Variants in HRH1 observed in about 807,000 individuals in gnomAD.
HRH1 encodes histamine H1 receptor.
A neutral mutation model predicts 10.3 loss-of-function variants in HRH1; 6 were observed. The observed-to-expected ratio is 0.58, with a 90% CI of 0.32 to 1.15. HRH1 has a LOEUF of 1.15. Among genes scored for constraint, HRH1 ranks in the 50% most tolerant of loss-of-function variants. HRH1 has a pLI of 0.05. For missense variants in HRH1, 514 were observed against 615.3 expected (o/e 0.84, Z 1.74); for synonymous variants, 242 against 236.7 (o/e 1.02, Z -0.21).
At chr3:11,145,467 A>C (rs564665183) in intron 1 of HRH1, among the ~76,000 whole-genome samples, 2 of 152,124 alleles carry the variant, frequency 1.3e-5, no homozygotes, top group African/African-American at 4.8e-5. Context: ...CCCCACACAC[A>C]GTGTGTCTAA....
At position 11,259,776 on chromosome 3, in the gene HRH1, G is replaced by T. The variant is rs201469326; in HGVS notation, c.739G>T (p.Asp247Tyr). ...IKLRPENPKG[D>Y]AKKPGKESPW... ...GCTGAGGCCAGAGAACCCCAAGGGG[G>T]ATGCCAAGAAACCAGGGAAGGAGTC... The change falls in exon 2 of 2, where the codon GAT becomes TAT. Residue 247 changes from aspartate (D) to tyrosine (Y), a missense_variant. Coordinates refer to ENST00000431010, the MANE Select transcript of HRH1 (RefSeq NM_001098212.2). This position sits in a 1 kb window ranked among gnomAD's most constrained non-coding sequence, Gnocchi z 4.6. 1 of 1,614,022 alleles carries T rather than the reference G, an allele frequency of 6.2e-7. No homozygotes were observed.
At chr3:11,161,629 C>T (rs182026907) in intron 1 of HRH1, among the ~76,000 whole-genome samples, 121 of 152,304 alleles carry the variant, frequency 7.9e-4, no homozygotes, top group African/African-American at 2.6e-3. Context: ...CATAACAGAG[C>T]GCCTGGCACT....
At chr3:11,226,149 C>T (rs1575027532) in intron 1 of HRH1, 1 of 152,300 alleles carries the variant, frequency 6.6e-6, no homozygotes, top group African/African-American at 2.4e-5. Context: ...GTGGAAAAAG[C>T]TCTGTGTGAT....
intron 1 of HRH1, among the ~76,000 whole-genome samples, chr3:11,182,322 G>T (rs561815541): frequency 6.6e-5 from 10 of 152,160 alleles, no homozygotes; most frequent in Non-Finnish European, 1.5e-4. Flanking sequence ...CCCCTTATCA[G>T]ATATATAGGG....
chr3:11,165,995 C>T (rs2125010396), intron 1 of HRH1, among the ~76,000 whole-genome samples: 1 of 152,296 alleles, frequency 6.6e-6, no homozygotes, highest in African/African-American at 2.4e-5. Flanking sequence ...CCTAAACAAC[C>T]TTGTGAGGTC....
chr3:11,223,736 G>C lies in HRH1; in HGVS notation c.-35-35267G>C, dbSNP rs577532986. On this transcript the variant is annotated intron_variant, in intron 1 of 1. Coordinates refer to ENST00000431010, the MANE Select transcript of HRH1 (RefSeq NM_001098212.2). ...ACCAGTAGTTGCGCTACCAAGAAAA[G>C]GGGGAAAGGGAAATGTTTGAAAAAT... Among the ~76,000 whole-genome samples the C allele has an allele frequency of 9.7e-4, 147 of 152,310 alleles. 1 individual carries two copies. Among genetic ancestry groups the C allele is most frequent in the African/African-American group, 3.3e-3 (136 of 41,552 alleles).
rs574013100 is a variant in HRH1, at chr3:11,233,813, C to T, written c.-35-25190C>T. On this transcript the variant is annotated intron_variant, in intron 1 of 1. Transcript: ENST00000431010. ...CCATCTGGCCTCTGCTAGTAGAGGC[C>T]CCACCCCAGCATTTTTAGGAGAAGA... Among the ~76,000 whole-genome samples the T allele has an allele frequency of 1.5e-4, 23 of 152,204 alleles. No individual in the cohort carries two copies. In the South Asian group the frequency reaches 4.6e-3, roughly 30 times the overall value.
intron 1 of HRH1, among the ~76,000 whole-genome samples, chr3:11,212,032 AG>A (rs540623736): frequency 6.6e-6 from 1 of 151,904 alleles, no homozygotes; most frequent in East Asian, 1.9e-4. Flanking sequence ...GGGCTGGGGG[AG>A]GGGGGCAGCC....
At chr3:11,172,949 G>A (rs111709505) in intron 1 of HRH1, among the ~76,000 whole-genome samples, 6,208 of 152,050 alleles carry the variant, frequency 0.041, 246 homozygotes, top group African/African-American at 0.1. Context: ...CACCCGTCTC[G>A]GCCTCCCAAA....
At chr3:11,181,326 T>A (rs926810732) in intron 1 of HRH1, among the ~76,000 whole-genome samples, 3 of 152,224 alleles carry the variant, frequency 2.0e-5, no homozygotes, top group South Asian at 4.1e-4. Context: ...ATACAATATA[T>A]CATTCATGTA....
chr3:11,156,755 A>G lies in HRH1; in HGVS notation c.-36+2201A>G, dbSNP rs538917081. ...TCAGTGGTGCCATGTAATAGCTAAA[A>G]GTGTTAAGAGTCCATTGTTGTTGTT... On this transcript the variant is annotated intron_variant, in intron 1 of 1. Transcript: ENST00000431010. Among the ~76,000 whole-genome samples the G allele has an allele frequency of 4.6e-5, 7 of 152,312 alleles. No homozygotes were observed. In the South Asian group the frequency reaches 1.5e-3, roughly 32 times the overall value.
chr3:11,181,670 C>T (rs1258295584), intron 1 of HRH1, among the ~76,000 whole-genome samples: 12 of 134,654 alleles, frequency 8.9e-5, no homozygotes, highest in Non-Finnish European at 1.5e-4. Context: ...CTCGCTCCGT[C>T]GCCCAGGCTG....
At chr3:11,144,479 A>AGACATACCTC (rs1936382814) in intron 1 of HRH1, among the ~76,000 whole-genome samples, 1 of 143,204 alleles carries the variant, frequency 7.0e-6, no homozygotes, top group African/African-American at 2.5e-5. Context: ...ATAGACATAT[A>AGACATACCTC]TATACACACA....
upstream of HRH1, among the ~76,000 whole-genome samples, chr3:11,153,090 G>A (rs1450224027): frequency 6.6e-6 from 1 of 152,088 alleles, no homozygotes; most frequent in Non-Finnish European, 1.5e-5. Flanking sequence ...ACAGCCCCAC[G>A]GAGATGAAGT....
intron 1 of HRH1, among the ~76,000 whole-genome samples, chr3:11,213,697 G>C (rs1431097309): frequency 1.3e-5 from 2 of 152,190 alleles, no homozygotes; most frequent in African/African-American, 4.8e-5. Context: ...TCCCATTCAC[G>C]AGGGTGGAGC....
rs191593802 is a variant in HRH1 at position 11,177,918 on chromosome 3, G to A, written c.-36+23364G>A. 2.6e-5 allele frequency among the ~76,000 whole-genome samples: 4 copies of A among 152,322 alleles called. No homozygotes were observed. In the East Asian group the frequency reaches 7.7e-4, roughly 29 times the overall value. On this transcript the variant is annotated intron_variant, in intron 1 of 1. Coordinates refer to ENST00000431010, the MANE Select transcript of HRH1 (RefSeq NM_001098212.2). The stretch of plus-strand genomic sequence containing the variant: ...CAAAGGCAGGAGTCAGAGTGTTCCT[G>A]CTGCCACCCCACCTCCCTCTGAAGA...
At chr3:11,144,399 A>G (rs111514375) in intron 1 of HRH1, among the ~76,000 whole-genome samples, 2,326 of 27,772 alleles carry the variant, frequency 0.084, 173 homozygotes, top group Admixed American at 0.37. Context: ...GTATATATAC[A>G]TATAGACATA....
chr3:11,163,225 C>T (rs1000385460), intron 1 of HRH1, among the ~76,000 whole-genome samples: 3 of 152,118 alleles, frequency 2.0e-5, no homozygotes, highest in Non-Finnish European at 4.4e-5. Context: ...TCTGCACACC[C>T]AACACAGGCT....
Position 11,246,034 on chromosome 3 carries a change from ACACT to A in HRH1, c.-35-12965_-35-12962del, listed in dbSNP as rs796440071. On this transcript the variant is annotated intron_variant, in intron 1 of 1. Coordinates refer to ENST00000431010, the MANE Select transcript of HRH1 (RefSeq NM_001098212.2). ...CACACATACACTCACACTCATACACACACTCACACATTCACACACATACACACAG... is the reference window on the plus strand; with the variant it reads ...CACACATACACTCACACTCATACACACACACATTCACACACATACACACAG... 4.8e-3 allele frequency among the ~76,000 whole-genome samples: 731 copies of A among 151,930 alleles called. 5 individuals carry two copies. Among genetic ancestry groups the A allele is most frequent in the African/African-American group, 0.016 (671 of 41,424 alleles).
Sources: gnomAD v4.1 joint callset for allele counts (sites outside exome capture counted in the v4.1 genomes callset) on GRCh38, gnomAD v4.1.1 for gene constraint, Gnocchi (gnomAD v3.1) non-coding constraint, MANE v1.5 for transcripts, NCBI Gene and HGNC (gene_info 2026-07-23, HGNC 2026-07-21) for gene names.